The following BBX variants were observed in gnomAD, a reference collection of about 807,000 sequenced individuals.
BBX encodes HMG box transcription factor BBX.
In BBX, 30 loss-of-function variants were observed where a neutral mutation model predicts 100.2. The observed-to-expected ratio is 0.30, with a 90% confidence interval of 0.22 to 0.41. The LOEUF is 0.41. BBX is among the 10% of genes least tolerant of loss of function. The probability of loss-of-function intolerance (pLI) is 1.00; values close to 1 mark genes in which losing one functional copy is unlikely to be tolerated. For synonymous variants in BBX, 376 were observed against 388.1 expected (o/e 0.97, Z 0.37); for missense variants, 1,023 against 1,129.8 (o/e 0.91, Z 1.35).
intron 2 of BBX, among the ~76,000 whole-genome samples, chr3:107,567,669 G>A (rs1213511904): frequency 6.6e-6 from 1 of 151,968 alleles, no homozygotes; most frequent in South Asian, 2.1e-4. Flanking sequence ...GACATAGCTG[G>A]GTTTTACTTT....
intron 12 of BBX, among the ~76,000 whole-genome samples, chr3:107,775,387 G>A (rs2067241402): frequency 6.6e-6 from 1 of 152,020 alleles, no homozygotes; most frequent in South Asian, 2.1e-4. Flanking sequence ...TTGAAATGCA[G>A]TATTAAGCAA....
intron 3 of BBX, among the ~76,000 whole-genome samples, chr3:107,677,246 C>CT (rs2059328243): frequency 6.6e-6 from 1 of 152,024 alleles, no homozygotes; most frequent in African/African-American, 2.4e-5. Context: ...TGGTCCCCTG[C>CT]TAGAATATCC....
intron 3 of BBX, among the ~76,000 whole-genome samples, chr3:107,656,101 T>C (rs1445099632): frequency 1.3e-5 from 2 of 152,214 alleles, no homozygotes; most frequent in Non-Finnish European, 2.9e-5. Flanking sequence ...ATTTAATTCA[T>C]AAACTTGAAA....
chr3:107,805,506 T>C lies in BBX; in HGVS notation c.*49T>C, dbSNP rs745738875. On this transcript the variant is annotated 3_prime_UTR_variant, in exon 18 of 18. Coordinates refer to ENST00000325805, the MANE Select transcript of BBX (RefSeq NM_001142568.3). ...TGTGCTTTACCTACTACCCTAGCCT[T>C]GTCTTTACCGAGGGATGCTAGTGAG... 6.2e-6 allele frequency: 10 copies of C among 1,613,702 alleles called. No homozygotes were observed. The African/African-American group carries it at 1.3e-4, about 22-fold the overall frequency.
At chr3:107,581,009 A>G (rs1327689124) in intron 2 of BBX, among the ~76,000 whole-genome samples, 1 of 152,218 alleles carries the variant, frequency 6.6e-6, no homozygotes, top group African/African-American at 2.4e-5. Context: ...AAATGTTAAA[A>G]TATGGAAGAC....
Position 107,799,911 on chromosome 3 carries a change from G to A in BBX, c.2552-1184G>A, listed in dbSNP as rs372256162. 3.9e-4 allele frequency among the ~76,000 whole-genome samples: 59 copies of A among 152,256 alleles called. 2 individuals carry two copies. In the South Asian group the frequency reaches 0.012, roughly 31 times the overall value. On this transcript the variant is annotated intron_variant, in intron 16 of 17. Transcript: ENST00000325805. Reference sequence around the variant, plus strand: ...AATCTTGGAGTGCTATACCAGCTAGGTACTAGTGGCCTTGGCTGTTGCCTT... The same window carrying A: ...AATCTTGGAGTGCTATACCAGCTAGATACTAGTGGCCTTGGCTGTTGCCTT...
At chr3:107,768,177 T>G (rs757989675) in intron 10 of BBX, among the ~76,000 whole-genome samples, 1 of 152,204 alleles carries the variant, frequency 6.6e-6, no homozygotes, top group Non-Finnish European at 1.5e-5. Context: ...AAATTCCCGC[T>G]GCTAGTTTTG....
chr3:107,690,470 T>A (rs954727888), intron 3 of BBX, among the ~76,000 whole-genome samples: 2 of 152,160 alleles, frequency 1.3e-5, no homozygotes, highest in East Asian at 1.9e-4. Flanking sequence ...GGGTTAAGAA[T>A]CTTGCTTAGG....
intron 2 of BBX, among the ~76,000 whole-genome samples, chr3:107,621,326 T>G: frequency 6.6e-6 from 1 of 152,272 alleles, no homozygotes; most frequent in Admixed American, 6.5e-5. Context: ...ACTGTGTTGT[T>G]TCTTGGGTCC....
At chr3:107,785,528 C>G (rs1451709031) in intron 13 of BBX, among the ~76,000 whole-genome samples, 2 of 151,618 alleles carry the variant, frequency 1.3e-5, no homozygotes, top group South Asian at 4.2e-4. Context: ...CTTTAATATT[C>G]AAAAACCAAT....
At chr3:107,601,753 AT>A (rs2054081112) in intron 2 of BBX, among the ~76,000 whole-genome samples, 1 of 152,266 alleles carries the variant, frequency 6.6e-6, no homozygotes, top group South Asian at 2.1e-4. Context: ...ACAGCAAGTT[AT>A]CCAGAAGATC....
At chr3:107,692,490 CA>C (rs1385450568) in intron 3 of BBX, among the ~76,000 whole-genome samples, 1 of 152,152 alleles carries the variant, frequency 6.6e-6, no homozygotes, top group Non-Finnish European at 1.5e-5. Context: ...TGATGGTTTT[CA>C]GTTTCATCCA....
chr3:107,645,447 G>A (rs1307386741), intron 2 of BBX, among the ~76,000 whole-genome samples: 1 of 152,056 alleles, frequency 6.6e-6, no homozygotes, highest in Non-Finnish European at 1.5e-5. Flanking sequence ...GTTGAGTGGG[G>A]CCAGTCATTT....
intron 2 of BBX, among the ~76,000 whole-genome samples, chr3:107,634,447 G>A (rs184841364): frequency 1.3e-5 from 2 of 152,190 alleles, no homozygotes; most frequent in South Asian, 2.1e-4. Context: ...GACAAAGCGC[G>A]ACCTAATTAA....
chr3:107,790,384 C>T (rs867564910), intron 14 of BBX, among the ~76,000 whole-genome samples: 4 of 152,236 alleles, frequency 2.6e-5, no homozygotes, highest in East Asian at 1.9e-4. Context: ...CTTCCACCCC[C>T]CCTCGTTTGC....
At chr3:107,765,024 G>A (rs1376721846) in intron 10 of BBX, among the ~76,000 whole-genome samples, 1 of 152,130 alleles carries the variant, frequency 6.6e-6, no homozygotes, top group African/African-American at 2.4e-5. Flanking sequence ...ACTGATTTGA[G>A]GTCTTCCTGA....
At chr3:107,767,778 C>T (rs2066514876) in intron 10 of BBX, among the ~76,000 whole-genome samples, 1 of 152,098 alleles carries the variant, frequency 6.6e-6, no homozygotes, top group South Asian at 2.1e-4. Flanking sequence ...TTGCCCTGCC[C>T]ACTGCCTTCT....
chr3:107,750,890 T>G (rs918408573), intron 9 of BBX, among the ~76,000 whole-genome samples: 3 of 152,238 alleles, frequency 2.0e-5, no homozygotes, highest in Admixed American at 6.5e-5. Context: ...TTGTTTTAAT[T>G]AGTCAAAAGC....
At chr3:107,567,242 G>A (rs953416479) in intron 2 of BBX, among the ~76,000 whole-genome samples, 9 of 151,952 alleles carry the variant, frequency 5.9e-5, no homozygotes, top group Non-Finnish European at 8.8e-5. Context: ...ACATATATTC[G>A]TATCAGGTTA....
Sources: gnomAD v4.1 joint callset for allele counts (sites outside exome capture counted in the v4.1 genomes callset) on GRCh38, gnomAD v4.1.1 for gene constraint, MANE v1.5 for transcripts, NCBI Gene and HGNC (gene_info 2026-07-23, HGNC 2026-07-21) for gene names.